IST1: variants seen among roughly 807,000 people sequenced by gnomAD.
The protein encoded by IST1 is IST1 factor associated with ESCRT-III, also known as IST1 homolog.
Under a neutral mutation model 37.0 loss-of-function variants are expected in IST1, and 23 were observed. The observed-to-expected ratio is 0.62, with a 90% CI of 0.45 to 0.88. The LOEUF is 0.88. Ranked by LOEUF, IST1 falls within the 40% of genes least tolerant of loss-of-function variation. IST1 has a pLI of 0.00. For missense variants in IST1, 488 were observed against 445.4 expected (o/e 1.10, Z -0.86); for synonymous variants, 180 against 161.7 (o/e 1.11, Z -0.86).
chr16:71,923,968 C>T (rs937998481), intron 8 of IST1: 1 of 362,126 alleles, frequency 2.8e-6, no homozygotes, highest in Non-Finnish European at 5.4e-6. Flanking sequence ...TGAGACCTGT[C>T]TCCATCTAGT....
At position 71,915,610 on chromosome 16, in the gene IST1, C is replaced by T. The variant is rs746332891; in HGVS notation, c.-15-16C>T. On this transcript the variant is annotated splice_polypyrimidine_tract_variant and intron_variant, in intron 1 of 9. Coordinates refer to ENST00000378799, the MANE Select transcript of IST1 (RefSeq NM_001270975.2). ...TGTTGACTTGAAAATAGTCATTGTG[C>T]TTCTTCTGTTTCTAGGAGGAACAGC... The T allele has an allele frequency of 6.4e-7, 1 of 1,569,950 alleles. No homozygotes were observed. The highest frequency in any genetic ancestry group is 8.7e-7 in the Non-Finnish European group (1 of 1,151,610).
At position 71,930,083 on chromosome 16, in the gene IST1, A is replaced by G. The variant is rs2037878366; in HGVS notation, c.*2270A>G. On this transcript the variant is annotated 3_prime_UTR_variant, in exon 10 of 10. Coordinates refer to ENST00000378799, the MANE Select transcript of IST1 (RefSeq NM_001270975.2). ...CGACTTTCTTTCTTTTCCAAAGGCC[A>G]TGAGAATGGCCGAAACGAAAAGATT... 1.9e-6 allele frequency: 3 copies of G among 1,551,422 alleles called. No homozygotes were observed. Among genetic ancestry groups the G allele is most frequent in the Admixed American group, 2.0e-5 (1 of 50,938 alleles).
chr16:71,925,325 T>A (rs1350449903), intron 9 of IST1, among the ~76,000 whole-genome samples: 1 of 147,284 alleles, frequency 6.8e-6, no homozygotes, highest in African/African-American at 2.5e-5. Flanking sequence ...GATTTTTTTT[T>A]TTTTTTTTTG....
rs2037901033 is a variant in IST1, at chr16:71,930,385, G to A, written c.*2572G>A. ...GAATGACTCATTTTAAGGAGGTTAAGATAATTGTGACTGCAGGGCTTTCAC... is the reference window on the plus strand; with the variant it reads ...GAATGACTCATTTTAAGGAGGTTAAAATAATTGTGACTGCAGGGCTTTCAC... On this transcript the variant is annotated 3_prime_UTR_variant, in exon 10 of 10. Coordinates refer to ENST00000378799, the MANE Select transcript of IST1 (RefSeq NM_001270975.2). The A allele has an allele frequency of 7.0e-6, 3 of 428,180 alleles. 1 individual carries two copies. In the Middle Eastern group the frequency reaches 1.9e-3, roughly 270 times the overall value. The allele number at this position is 428,180 out of a possible 1,614,324, so 26.5% of individuals were successfully genotyped here. A position where few individuals can be genotyped will look rare whatever the true frequency, so the allele number is the denominator to read the frequency against.
chr16:71,922,346 C>T (rs1429137043), intron 6 of IST1, 128 bp from the exon 7 acceptor site: 17 of 761,872 alleles, frequency 2.2e-5, no homozygotes, highest in Non-Finnish European at 3.4e-5. Flanking sequence ...TTTTCTTCCC[C>T]CACAGGTGTT....
At chr16:71,905,757 A>G (rs1198732372) in intron 1 of IST1, among the ~76,000 whole-genome samples, 1 of 152,192 alleles carries the variant, frequency 6.6e-6, no homozygotes, top group Non-Finnish European at 1.5e-5. Flanking sequence ...TATTCTATAG[A>G]TGATCTCTTT....
chr16:71,898,540 TG>T (rs2142518985), intron 1 of IST1, among the ~76,000 whole-genome samples: 1 of 149,042 alleles, frequency 6.7e-6, no homozygotes, highest in African/African-American at 2.5e-5. Flanking sequence ...AAAAATTAGT[TG>T]GGCATGGTGG....
At position 71,929,642 on chromosome 16, in the gene IST1, G is replaced by C. The variant is rs2037848345; in HGVS notation, c.*1829G>C. ...CAACTGATTCCTAACAAATTTGAGA[G>C]CTTCTGTAGCAGTGTATCTATTAGT... On this transcript the variant is annotated 3_prime_UTR_variant, in exon 10 of 10. Coordinates refer to ENST00000378799, the MANE Select transcript of IST1 (RefSeq NM_001270975.2). 1 of 1,551,570 alleles carries C rather than the reference G, an allele frequency of 6.4e-7. No homozygotes were observed. The highest frequency in any genetic ancestry group is 2.0e-5 in the Admixed American group (1 of 50,976).
chr16:71,904,959 T>C (rs1055061434), intron 1 of IST1, among the ~76,000 whole-genome samples: 22 of 152,218 alleles, frequency 1.4e-4, no homozygotes, highest in Non-Finnish European at 7.3e-5. Context: ...TGTTTCTGTT[T>C]CCTGCTTTTT....
intron 4 of IST1, among the ~76,000 whole-genome samples, chr16:71,918,681 G>T (rs2037517068): frequency 6.6e-6 from 1 of 152,162 alleles, no homozygotes; most frequent in African/African-American, 2.4e-5. Flanking sequence ...CTCCCAAAGT[G>T]TTGGGATTAC....
intron 1 of IST1, among the ~76,000 whole-genome samples, chr16:71,906,996 C>G (rs1054797739): frequency 2.6e-5 from 4 of 152,112 alleles, no homozygotes; most frequent in African/African-American, 9.7e-5. Context: ...TGCCACTACA[C>G]TCCAGCCTGG....
chr16:71,920,528 C>G (rs1243054984), intron 4 of IST1, among the ~76,000 whole-genome samples: 2 of 152,152 alleles, frequency 1.3e-5, no homozygotes, highest in Admixed American at 6.5e-5. Flanking sequence ...GTATAATACT[C>G]ATGATAGTGT....
At chr16:71,908,931 C>G (rs1344795690) in intron 1 of IST1, among the ~76,000 whole-genome samples, 2 of 152,072 alleles carry the variant, frequency 1.3e-5, no homozygotes, top group Non-Finnish European at 2.9e-5. Context: ...GCATTCTGTT[C>G]AGGTTTTACA....
chr16:71,925,854 C>T (rs904793981), intron 9 of IST1, among the ~76,000 whole-genome samples: 3 of 152,202 alleles, frequency 2.0e-5, no homozygotes, highest in Admixed American at 6.5e-5. Flanking sequence ...ACTCAAGAGG[C>T]GTTCTTAGCC....
intron 8 of IST1, chr16:71,924,396 GC>G: frequency 2.6e-6 from 1 of 387,398 alleles, no homozygotes; most frequent in Non-Finnish European, 4.9e-6. Context: ...TTCGAGACCA[GC>G]CTGGGCAACA....
chr16:71,921,168 G>C (rs1192646139), intron 5 of IST1, 175 bp from the exon 6 acceptor site: 8 of 606,208 alleles, frequency 1.3e-5, no homozygotes, highest in Admixed American at 1.2e-4. Flanking sequence ...ATGTGAAAGA[G>C]AGACTTGGGT....
chr16:71,899,965 C>G (rs965581579), intron 1 of IST1, among the ~76,000 whole-genome samples: 4 of 143,108 alleles, frequency 2.8e-5, no homozygotes, highest in Non-Finnish European at 4.5e-5. Flanking sequence ...CCACTGCACT[C>G]TAGCCTCGGC....
chr16:71,902,485 G>T (rs1309659485), intron 1 of IST1, among the ~76,000 whole-genome samples: 1 of 152,136 alleles, frequency 6.6e-6, no homozygotes, highest in Admixed American at 6.5e-5. Context: ...GGCCAACCTG[G>T]TTTCGAACTC....
At chr16:71,926,155 G>A (rs540846042) in intron 9 of IST1, among the ~76,000 whole-genome samples, 42 of 151,408 alleles carry the variant, frequency 2.8e-4, no homozygotes, top group African/African-American at 9.7e-4. Flanking sequence ...GGTGGCAGGC[G>A]CCTGTAATCC....
Sources: allele counts gnomAD v4.1 joint callset (sites outside exome capture counted in the v4.1 genomes callset), GRCh38; gene constraint gnomAD v4.1.1; transcripts MANE v1.5; gene names NCBI Gene and HGNC (gene_info 2026-07-23, HGNC 2026-07-21).